Variants in SERGEF observed in about 807,000 individuals in gnomAD.
SERGEF encodes the protein secretion-regulating guanine nucleotide exchange factor.
A neutral mutation model predicts 50.0 loss-of-function variants in SERGEF; 51 were observed. That is an observed-to-expected ratio of 1.02 (90% CI 0.81 to 1.29). The LOEUF is 1.29. SERGEF is among the 50% of genes most tolerant of loss of function. The probability of loss-of-function intolerance (pLI) is 0.00; values close to 1 mark genes in which losing one functional copy is unlikely to be tolerated. For missense variants in SERGEF, 521 were observed against 557.0 expected (o/e 0.94, Z 0.65); for synonymous variants, 205 against 212.4 (o/e 0.97, Z 0.30).
chr11:17,797,935 AG>A (rs1368671207), intron 10 of SERGEF, among the ~76,000 whole-genome samples: 1 of 152,192 alleles, frequency 6.6e-6, no homozygotes, highest in Non-Finnish European at 1.5e-5. Flanking sequence ...ACAGTCCCAC[AG>A]TGGGCAGAGG....
At chr11:17,796,603 C>T (rs376627098) in intron 10 of SERGEF, among the ~76,000 whole-genome samples, 7 of 152,172 alleles carry the variant, frequency 4.6e-5, no homozygotes, top group East Asian at 1.9e-4. Flanking sequence ...CTTGGACTTC[C>T]CAGTCTCCAG....
At position 17,884,874 on chromosome 11, in the gene SERGEF, G is replaced by C. The variant is rs115755857; in HGVS notation, c.1012-6630C>G. ...GGTTAAGTGCCTGGATGTCAAGCATGTGACATTATAGAATTTCACTTTACC... is the reference window on the plus strand; with the variant it reads ...GGTTAAGTGCCTGGATGTCAAGCATCTGACATTATAGAATTTCACTTTACC... On this transcript the variant is annotated intron_variant, in intron 9 of 10. Coordinates refer to ENST00000265965, the MANE Select transcript of SERGEF (RefSeq NM_012139.4). The surrounding 1 kb of genome is among the most constrained non-coding windows in gnomAD (Gnocchi z 4.6). Among the ~76,000 whole-genome samples, 1,459 of 152,248 alleles carry C rather than the reference G, an allele frequency of 9.6e-3. 19 individuals are homozygous for C. The highest frequency in any genetic ancestry group is 0.033 in the African/African-American group (1,352 of 41,532).
At chr11:17,909,718 T>G (rs1049290323) in intron 9 of SERGEF, among the ~76,000 whole-genome samples, 1 of 152,148 alleles carries the variant, frequency 6.6e-6, no homozygotes, top group Non-Finnish European at 1.5e-5. Context: ...CCTGGATATA[T>G]CTCTCAAACT....
Position 17,931,382 on chromosome 11 carries a change from C to A in SERGEF, c.1011+28088G>T, listed in dbSNP as rs554017399. 2.6e-5 allele frequency among the ~76,000 whole-genome samples: 4 copies of A among 152,252 alleles called. No individual in the cohort carries two copies. The East Asian group carries it at 5.8e-4, about 22-fold the overall frequency. On this transcript the variant is annotated intron_variant, in intron 9 of 10. Coordinates refer to ENST00000265965, the MANE Select transcript of SERGEF (RefSeq NM_012139.4). ...ACACAGTAAGGTAGCCCATTCATAACCCAGAACCTTTTTCTTACAGAAACA... is the reference window on the plus strand; with the variant it reads ...ACACAGTAAGGTAGCCCATTCATAAACCAGAACCTTTTTCTTACAGAAACA...
chr11:17,859,868 A>G (rs1298302115), intron 10 of SERGEF, among the ~76,000 whole-genome samples: 1 of 152,206 alleles, frequency 6.6e-6, no homozygotes, highest in African/African-American at 2.4e-5. Flanking sequence ...GAGTAAGTAT[A>G]TTTTCAGAAT....
chr11:17,831,541 G>A lies in SERGEF; in HGVS notation c.1049-43128C>T, dbSNP rs150477457. Reference sequence around the variant, plus strand: ...AAGCCAGAATAGTAGCTGGCAAATGGATCCCATTTCTGAGGACTTAAGAGC... The same window carrying A: ...AAGCCAGAATAGTAGCTGGCAAATGAATCCCATTTCTGAGGACTTAAGAGC... On this transcript the variant is annotated intron_variant, in intron 10 of 10. Transcript: ENST00000265965. 1.9e-4 allele frequency among the ~76,000 whole-genome samples: 29 copies of A among 152,324 alleles called. 4 individuals carry two copies. In the East Asian group the frequency reaches 5.6e-3, roughly 29 times the overall value.
Position 17,788,180 on chromosome 11 carries a change from G to A in SERGEF, c.1282C>T (p.Gln428Ter), listed in dbSNP as rs757401213. 1.6e-5 allele frequency: 25 copies of A among 1,600,928 alleles called. No homozygotes were observed. Among genetic ancestry groups the A allele is most frequent in the Non-Finnish European group, 2.1e-5 (25 of 1,169,544 alleles). ...SPDAIEDTES[Q>*]KAMDKERNWK... ...TTTCTCTCTTTGTCCATGGCTTTCT[G>A]AGATTCAGTGTCCTCGATGGCATCT... Residue 428 changes from glutamine (Q) to a stop codon, truncating the protein, a stop_gained, in exon 11 of 11, where the codon CAG becomes TAG. Coordinates refer to ENST00000265965, the MANE Select transcript of SERGEF (RefSeq NM_012139.4). LOFTEE classifies it low-confidence loss of function (END_TRUNC).
chr11:17,976,486 G>C (rs950095628), intron 8 of SERGEF, among the ~76,000 whole-genome samples: 4 of 139,248 alleles, frequency 2.9e-5, no homozygotes, highest in Admixed American at 7.4e-5. Flanking sequence ...TTTTTTAGCA[G>C]AGATGGGATT....
intron 10 of SERGEF, among the ~76,000 whole-genome samples, chr11:17,833,986 T>C (rs566055848): frequency 2.0e-5 from 3 of 152,100 alleles, no homozygotes; most frequent in Admixed American, 6.5e-5. Flanking sequence ...AGTTAAGACT[T>C]TGGGGGACTG....
chr11:17,994,064 C>A (rs1434515247), intron 6 of SERGEF, among the ~76,000 whole-genome samples: 1 of 152,156 alleles, frequency 6.6e-6, no homozygotes, highest in Non-Finnish European at 1.5e-5. Flanking sequence ...AAATGACACA[C>A]CGCTTCCACC....
At chr11:17,908,935 T>A (rs1332669923) in intron 9 of SERGEF, among the ~76,000 whole-genome samples, 2 of 152,198 alleles carry the variant, frequency 1.3e-5, no homozygotes, top group East Asian at 3.8e-4. Flanking sequence ...GAGGTAAAAC[T>A]TCTTCTTGCT....
At chr11:17,924,677 A>G (rs1440621361) in intron 9 of SERGEF, among the ~76,000 whole-genome samples, 1 of 147,692 alleles carries the variant, frequency 6.8e-6, no homozygotes, top group Non-Finnish European at 1.5e-5. Flanking sequence ...GTTGAGAAGA[A>G]AAGAATGGAG....
chr11:17,918,398 C>T (rs1485667247), intron 9 of SERGEF, among the ~76,000 whole-genome samples: 1 of 152,190 alleles, frequency 6.6e-6, no homozygotes, highest in Non-Finnish European at 1.5e-5. Flanking sequence ...AGGGTCAATA[C>T]ATCTGGGCTC....
At chr11:18,006,299 C>T (rs1299890046) in intron 3 of SERGEF, among the ~76,000 whole-genome samples, 3 of 152,322 alleles carry the variant, frequency 2.0e-5, no homozygotes, top group African/African-American at 7.2e-5. Flanking sequence ...GCTGGGACTA[C>T]AGAGTAGCTG....
chr11:17,879,721 ATTTTG>A (rs1253250820), intron 9 of SERGEF, among the ~76,000 whole-genome samples: 1 of 152,162 alleles, frequency 6.6e-6, no homozygotes, highest in South Asian at 2.1e-4. Context: ...CTGAAAGTAG[ATTTTG>A]TTTTCTCACC....
chr11:17,892,499 C>T (rs1314066646), intron 9 of SERGEF, among the ~76,000 whole-genome samples: 1 of 152,162 alleles, frequency 6.6e-6, no homozygotes, highest in African/African-American at 2.4e-5. Flanking sequence ...GGAGCAAGAC[C>T]TGCCAAGACC....
At chr11:17,946,801 G>A (rs1255745456) in intron 9 of SERGEF, among the ~76,000 whole-genome samples, 1 of 152,142 alleles carries the variant, frequency 6.6e-6, no homozygotes, top group East Asian at 1.9e-4. Flanking sequence ...ACTACTGGAG[G>A]AGTCAGCATT....
chr11:17,854,359 C>T (rs1850775060), intron 10 of SERGEF, among the ~76,000 whole-genome samples: 2 of 152,226 alleles, frequency 1.3e-5, no homozygotes, highest in Non-Finnish European at 2.9e-5. Flanking sequence ...CTCAGCTATG[C>T]TAAAAAATAA....
At chr11:17,868,800 G>A (rs1851078856) in intron 10 of SERGEF, among the ~76,000 whole-genome samples, 1 of 152,206 alleles carries the variant, frequency 6.6e-6, no homozygotes, top group Admixed American at 6.5e-5. Context: ...GGCAGGCAAA[G>A]AGAGAGCTTG....
Sources: gnomAD v4.1 joint callset for allele counts (sites outside exome capture counted in the v4.1 genomes callset) on GRCh38, gnomAD v4.1.1 for gene constraint, Gnocchi (gnomAD v3.1) non-coding constraint, MANE v1.5 for transcripts, NCBI Gene and HGNC (gene_info 2026-07-23, HGNC 2026-07-21) for gene names.